Variants in DCC observed in about 807,000 individuals in gnomAD.
The protein encoded by DCC is DCC netrin 1 receptor.
Under a neutral mutation model 172.5 loss-of-function variants are expected in DCC, and 58 were observed. The ratio of observed to expected loss-of-function variants is 0.34; its 90% confidence interval spans 0.27 to 0.42. The LOEUF (loss-of-function observed/expected upper bound fraction) is 0.42. Among genes scored for constraint, DCC ranks in the 10% least tolerant of loss-of-function variants. The pLI is 1.00. For synonymous variants in DCC, 709 were observed against 644.5 expected, an observed-to-expected ratio of 1.10 and a Z score of -1.52; for missense variants, 1,740 against 1,791.0, an observed-to-expected ratio of 0.97 and a Z score of 0.51.
intron 3 of DCC, among the ~76,000 whole-genome samples, chr18:52,921,726 T>TAATAATA (rs969595344): frequency 1.9e-5 from 2 of 103,830 alleles, no homozygotes; most frequent in East Asian, 4.8e-4. Flanking sequence ...ATAATAATAA[T>TAATAATA]ATATATAAAT....
chr18:52,492,397 T>C (rs936557465), intron 1 of DCC, among the ~76,000 whole-genome samples: 2 of 151,926 alleles, frequency 1.3e-5, no homozygotes, highest in East Asian at 1.9e-4. Context: ...GATGGAGAGA[T>C]AAGATCACTA....
At chr18:53,124,603 A>G (rs956459874) in intron 7 of DCC, among the ~76,000 whole-genome samples, 1 of 152,060 alleles carries the variant, frequency 6.6e-6, no homozygotes, top group African/African-American at 2.4e-5. Context: ...ATTGCTCTGT[A>G]AGAGGGTCCT....
intron 1 of DCC, among the ~76,000 whole-genome samples, chr18:52,703,800 G>A (rs1482315506): frequency 6.8e-6 from 1 of 147,802 alleles, no homozygotes; most frequent in African/African-American, 2.5e-5. Flanking sequence ...AAGTTAAATG[G>A]AAAAAAAAAA....
At chr18:53,499,579 G>T (rs1365999445) in intron 27 of DCC, 69 bp downstream of exon 27, 1 of 1,321,472 alleles carries the variant, frequency 7.6e-7, no homozygotes, top group African/African-American at 1.4e-5. Flanking sequence ...GTGCATGAGG[G>T]TGCTTGAGAA....
chr18:53,013,569 C>T (rs2041762310), intron 5 of DCC, among the ~76,000 whole-genome samples: 1 of 151,722 alleles, frequency 6.6e-6, no homozygotes, highest in African/African-American at 2.4e-5. Context: ...GAGTGAGAGC[C>T]TTAGGACAAA....
At chr18:53,442,070 C>T (rs1912312632) in intron 22 of DCC, among the ~76,000 whole-genome samples, 1 of 152,162 alleles carries the variant, frequency 6.6e-6, no homozygotes, top group Non-Finnish European at 1.5e-5. Context: ...TCATGAGCCC[C>T]CACCAACAGC....
At chr18:52,944,521 A>G (rs1246343636) in intron 5 of DCC, among the ~76,000 whole-genome samples, 1 of 152,226 alleles carries the variant, frequency 6.6e-6, no homozygotes, top group African/African-American at 2.4e-5. Flanking sequence ...GCAAAAGCAT[A>G]TAGAAAGCCC....
chr18:52,796,093 A>G (rs1240199504), intron 2 of DCC, among the ~76,000 whole-genome samples: 3 of 110,562 alleles, frequency 2.7e-5, no homozygotes, highest in African/African-American at 5.6e-5. Flanking sequence ...TTCCATTTAC[A>G]TGGAATATCT....
At chr18:53,352,628 G>A (rs12326407) in intron 15 of DCC, among the ~76,000 whole-genome samples, 2,527 of 152,020 alleles carry the variant, frequency 0.017, 36 homozygotes, top group Middle Eastern at 0.034. Flanking sequence ...AATTACAGTG[G>A]GTTTTTTGTT....
chr18:52,740,691 A>C (rs2036808036), intron 1 of DCC, among the ~76,000 whole-genome samples: 1 of 152,202 alleles, frequency 6.6e-6, no homozygotes, highest in Non-Finnish European at 1.5e-5. Context: ...CTTTGTCAGC[A>C]AAGTGACCTC....
At chr18:52,397,956 T>G (rs1986293681) in intron 1 of DCC, among the ~76,000 whole-genome samples, 1 of 152,004 alleles carries the variant, frequency 6.6e-6, no homozygotes, top group Non-Finnish European at 1.5e-5. Flanking sequence ...ACAGTGGTCA[T>G]GCATTTTGAT....
chr18:53,027,664 C>CT (rs1197884322), intron 5 of DCC, among the ~76,000 whole-genome samples: 1 of 152,066 alleles, frequency 6.6e-6, no homozygotes, highest in Non-Finnish European at 1.5e-5. Context: ...TTTCCATTTT[C>CT]TTTTTTTCTC....
chr18:52,371,124 G>A (rs1985103751), intron 1 of DCC, among the ~76,000 whole-genome samples: 2 of 149,578 alleles, frequency 1.3e-5, no homozygotes, highest in Non-Finnish European at 1.5e-5. Flanking sequence ...GAGAACATTG[G>A]TAATGTTGAA....
chr18:52,735,242 C>G (rs2036706885), intron 1 of DCC, among the ~76,000 whole-genome samples: 1 of 152,108 alleles, frequency 6.6e-6, no homozygotes, highest in Admixed American at 6.6e-5. Context: ...TGCCAACACT[C>G]TGTGTTAACC....
At chr18:53,453,364 T>A (rs2045441391) in intron 23 of DCC, among the ~76,000 whole-genome samples, 1 of 152,160 alleles carries the variant, frequency 6.6e-6, no homozygotes, top group Non-Finnish European at 1.5e-5. Context: ...CCAAAGCTCT[T>A]AGAAAATTGG....
intron 8 of DCC, among the ~76,000 whole-genome samples, chr18:53,176,182 A>G (rs1265719340): frequency 1.2e-4 from 16 of 131,838 alleles, no homozygotes; most frequent in Non-Finnish European, 2.1e-4. Flanking sequence ...TCAATTCAAG[A>G]TGGATTAAAG....
At chr18:52,919,544 AT>A (rs2040088750) in intron 3 of DCC, among the ~76,000 whole-genome samples, 2 of 152,144 alleles carry the variant, frequency 1.3e-5, no homozygotes, top group Admixed American at 1.3e-4. Flanking sequence ...TGAAGCTACG[AT>A]GGTAACAAAC....
At chr18:52,652,711 A>AGTGTGTGTGTGTGTGTGTGTGTGT (rs71175513) in intron 1 of DCC, among the ~76,000 whole-genome samples, 1,731 of 143,338 alleles carry the variant, frequency 0.012, 27 homozygotes, top group African/African-American at 0.042. Context: ...ACTGCAATAA[A>AGTGTGTGTGTGTGTGTGTGTGTGT]GTGTGTGTGT....
intron 12 of DCC, among the ~76,000 whole-genome samples, chr18:53,304,608 A>G (rs558445237): frequency 6.6e-6 from 1 of 152,202 alleles, no homozygotes; most frequent in African/African-American, 2.4e-5. Context: ...CAACACCTCC[A>G]AGGTCAGGGA....
Sources: allele counts gnomAD v4.1 joint callset (sites outside exome capture counted in the v4.1 genomes callset), GRCh38; gene constraint gnomAD v4.1.1; transcripts MANE v1.5; gene names NCBI Gene and HGNC (gene_info 2026-07-23, HGNC 2026-07-21).